GPC6: variants seen among roughly 807,000 people sequenced by gnomAD.
GPC6 encodes the protein glypican 6.
In GPC6, 14 loss-of-function variants were observed where a neutral mutation model predicts 55.2. The ratio of observed to expected loss-of-function variants is 0.25; its 90% confidence interval spans 0.17 to 0.40. The LOEUF is 0.40. GPC6 is among the 10% of genes least tolerant of loss of function. The pLI, the probability that GPC6 is intolerant of heterozygous loss-of-function variation, is 1.00. For synonymous variants in GPC6, 278 were observed against 259.6 expected, an observed-to-expected ratio of 1.07 and a Z score of -0.68; for missense variants, 641 against 708.5, an observed-to-expected ratio of 0.90 and a Z score of 1.08.
chr13:94,036,073 T>G (rs1566318262), intron 4 of GPC6, among the ~76,000 whole-genome samples: 1 of 151,994 alleles, frequency 6.6e-6, no homozygotes, highest in Non-Finnish European at 1.5e-5. Flanking sequence ...TTTTAGTGGT[T>G]AAATAGATCT....
intron 1 of GPC6, among the ~76,000 whole-genome samples, chr13:93,323,412 C>A (rs1879526675): frequency 6.6e-6 from 1 of 152,124 alleles, no homozygotes; most frequent in Non-Finnish European, 1.5e-5. Flanking sequence ...TCTCTCCTAC[C>A]ATTTTTCTTT....
chr13:94,067,502 CTG>C (rs1361708878), intron 4 of GPC6, among the ~76,000 whole-genome samples: 31 of 147,780 alleles, frequency 2.1e-4, no homozygotes, highest in Admixed American at 5.5e-4. Flanking sequence ...CTCTCTCTCT[CTG>C]TGTCTATGTA....
At chr13:93,669,165 T>A (rs7322146) in intron 2 of GPC6, among the ~76,000 whole-genome samples, 8 of 151,990 alleles carry the variant, frequency 5.3e-5, no homozygotes, top group South Asian at 2.1e-4. Flanking sequence ...TCTAAGTAGC[T>A]TGCCCCAGTG....
In GPC6 at chr13:93,410,067, G is replaced by C. The variant is rs139215405; in HGVS notation, c.161-135196G>C. Among the ~76,000 whole-genome samples the C allele has an allele frequency of 1.8e-4, 28 of 152,236 alleles. No individual in the cohort carries two copies. The East Asian group carries it at 5.4e-3, about 29-fold the overall frequency. On this transcript the variant is annotated intron_variant, in intron 1 of 8. Coordinates refer to ENST00000377047, the MANE Select transcript of GPC6 (RefSeq NM_005708.5). ...TCTGTTTCTTGATATTCAAGCTGGG[G>C]CTGAAAGATTAATCCAAGATTGAGT...
At position 93,303,924 on chromosome 13, in the gene GPC6, A is replaced by G. The variant is rs1384404682; in HGVS notation, c.160+76308A>G. Among the ~76,000 whole-genome samples the G allele has an allele frequency of 3.1e-4, 44 of 140,070 alleles. 1 individual carries two copies. The highest frequency in any genetic ancestry group is 7.5e-5 in the Non-Finnish European group (5 of 66,386). 91.9% of individuals were successfully genotyped at this position (140,070 alleles called of 152,430 possible). ...GTCTCTATTGCCCAGGCTGGAGTGT[A>G]ATGGCACAATCTCGGCTCACTGCAA... On this transcript the variant is annotated intron_variant, in intron 1 of 8. Coordinates refer to ENST00000377047, the MANE Select transcript of GPC6 (RefSeq NM_005708.5).
chr13:93,782,966 A>G (rs1046426054), intron 2 of GPC6, among the ~76,000 whole-genome samples: 3 of 152,114 alleles, frequency 2.0e-5, no homozygotes, highest in Admixed American at 6.6e-5. Context: ...CCCTGCATGC[A>G]TTAGCTATGC....
intron 6 of GPC6, among the ~76,000 whole-genome samples, chr13:94,327,094 A>G (rs1190998180): frequency 6.6e-6 from 1 of 152,200 alleles, no homozygotes; most frequent in Non-Finnish European, 1.5e-5. Context: ...GGACTCCCAT[A>G]TTCCAAGGCA....
intron 3 of GPC6, among the ~76,000 whole-genome samples, chr13:93,843,404 T>C (rs1054750988): frequency 6.6e-6 from 1 of 152,112 alleles, no homozygotes. Flanking sequence ...GAAACAGTTT[T>C]CATTCAAAAG....
intron 4 of GPC6, among the ~76,000 whole-genome samples, chr13:94,265,917 A>C (rs1022353707): frequency 6.6e-6 from 1 of 152,180 alleles, no homozygotes; most frequent in Admixed American, 6.5e-5. Flanking sequence ...ATATCAGCAG[A>C]ATTGGAAAGA....
chr13:93,312,594 A>G (rs1879111354), intron 1 of GPC6, among the ~76,000 whole-genome samples: 1 of 152,154 alleles, frequency 6.6e-6, no homozygotes, highest in Admixed American at 6.5e-5. Flanking sequence ...CCATCATTAG[A>G]TGACAATTTT....
chr13:93,551,334 G>T (rs1355746697), intron 2 of GPC6, among the ~76,000 whole-genome samples: 1 of 151,580 alleles, frequency 6.6e-6, no homozygotes, highest in African/African-American at 2.4e-5. Flanking sequence ...CAATTTCAGG[G>T]CATAAACAAG....
chr13:94,403,641 C>T lies in GPC6; in HGVS notation c.*424C>T. 1 of 227,906 alleles carries T rather than the reference C, an allele frequency of 4.4e-6. No homozygotes were observed. Among genetic ancestry groups the T allele is most frequent in the Non-Finnish European group, 8.8e-6 (1 of 113,360 alleles). The allele number at this position is 227,906 out of a possible 1,614,324, so 14.1% of individuals were successfully genotyped here. A position where few individuals can be genotyped will look rare whatever the true frequency, so the allele number is the denominator to read the frequency against. ...GACAGCTACATTTTCAACAAAAAAG[C>T]AAACAGAGAAAAATAAATGAACTTT... is the stretch of plus-strand genomic sequence containing the variant. On this transcript the variant is annotated 3_prime_UTR_variant, in exon 9 of 9. Coordinates refer to ENST00000377047, the MANE Select transcript of GPC6 (RefSeq NM_005708.5).
rs150449931 is a variant in GPC6, at chr13:94,100,287, C to G, written c.877+72393C>G. Among the ~76,000 whole-genome samples the G allele has an allele frequency of 6.7e-3, 1,012 of 151,992 alleles. 11 individuals are homozygous for G. Among genetic ancestry groups the G allele is most frequent in the African/African-American group, 0.022 (914 of 41,442 alleles). On this transcript the variant is annotated intron_variant, in intron 4 of 8. Coordinates refer to ENST00000377047, the MANE Select transcript of GPC6 (RefSeq NM_005708.5). ...TGTTTATTTGAGGGAAATGGGGTAGCAAAGGAAAAAATCAAAGTAGCTGTA... is the reference window on the plus strand; with the variant it reads ...TGTTTATTTGAGGGAAATGGGGTAGGAAAGGAAAAAATCAAAGTAGCTGTA...
upstream of GPC6, among the ~76,000 whole-genome samples, chr13:93,223,603 C>A (rs894820869): frequency 6.6e-6 from 1 of 151,954 alleles, no homozygotes; most frequent in African/African-American, 2.4e-5. Context: ...ACCATCACAC[C>A]AGCGAATTTT....
At chr13:93,946,157 A>G (rs1311551758) in intron 3 of GPC6, among the ~76,000 whole-genome samples, 1 of 152,356 alleles carries the variant, frequency 6.6e-6, no homozygotes, top group African/African-American at 2.4e-5. Context: ...AATGAACATG[A>G]AGTTGGGAAG....
intron 1 of GPC6, among the ~76,000 whole-genome samples, chr13:93,544,172 A>G (rs1882449518): frequency 6.6e-6 from 1 of 152,150 alleles, no homozygotes; most frequent in Non-Finnish European, 1.5e-5. Flanking sequence ...TCAAAACAGC[A>G]AAAGACCTAA....
intron 4 of GPC6, among the ~76,000 whole-genome samples, chr13:94,069,219 G>T (rs1884643274): frequency 6.6e-6 from 1 of 152,082 alleles, no homozygotes; most frequent in Admixed American, 6.5e-5. Context: ...CAAGGCTTGG[G>T]GCTTACACAC....
chr13:93,561,942 T>C (rs146868732), intron 2 of GPC6, among the ~76,000 whole-genome samples: 1 of 152,228 alleles, frequency 6.6e-6, no homozygotes, highest in East Asian at 1.9e-4. Flanking sequence ...TTTACTGATA[T>C]AGCTTTAGTA....
chr13:93,686,739 C>T (rs1882062740), intron 2 of GPC6, among the ~76,000 whole-genome samples: 1 of 152,084 alleles, frequency 6.6e-6, no homozygotes, highest in Non-Finnish European at 1.5e-5. Context: ...TTGCCTTCTA[C>T]ATTTTCTTTT....
Sources: allele counts gnomAD v4.1 joint callset (sites outside exome capture counted in the v4.1 genomes callset), GRCh38; gene constraint gnomAD v4.1.1; transcripts MANE v1.5; gene names NCBI Gene and HGNC (gene_info 2026-07-23, HGNC 2026-07-21).